Variants in COL23A1 observed in about 807,000 individuals in gnomAD.
The protein encoded by COL23A1 is collagen alpha-1(XXIII) chain.
Under a neutral mutation model 99.3 loss-of-function variants are expected in COL23A1, and 97 were observed. The observed-to-expected ratio is 0.98, with a 90% CI of 0.83 to 1.16. The LOEUF (loss-of-function observed/expected upper bound fraction) is 1.16, where lower values mean the gene tolerates loss of function less well. COL23A1 is among the 50% of genes most tolerant of loss of function. The probability of loss-of-function intolerance (pLI) is 0.00; values close to 1 mark genes in which losing one functional copy is unlikely to be tolerated. For synonymous variants in COL23A1, 320 were observed against 308.2 expected (o/e 1.04, Z -0.40); for missense variants, 762 against 757.4 (o/e 1.01, Z -0.07).
At chr5:178,451,924 T>C (rs890031282) in intron 2 of COL23A1, among the ~76,000 whole-genome samples, 2 of 152,114 alleles carry the variant, frequency 1.3e-5, no homozygotes, top group Admixed American at 6.5e-5. Flanking sequence ...GGAAACATCA[T>C]AGAAATAATA....
intron 27 of COL23A1, 59 bp downstream of exon 27, chr5:178,241,983 G>T: frequency 1.5e-6 from 2 of 1,330,964 alleles, no homozygotes; most frequent in South Asian, 1.3e-5. Flanking sequence ...GGAAGATGTT[G>T]GGCTGACCCT....
Position 178,493,070 on chromosome 5 carries a change from C to A in COL23A1, c.361+67612G>T, listed in dbSNP as rs574993526. On this transcript the variant is annotated intron_variant, in intron 2 of 28. Transcript: ENST00000390654. ...TCTCTCACCCTTTAAATAGAAATTC[C>A]TTGAGCACAGGGACTCTGACTAGCT... Among the ~76,000 whole-genome samples the A allele has an allele frequency of 3.3e-5, 5 of 152,290 alleles. No homozygotes were observed. The South Asian group carries it at 1.0e-3, about 32-fold the overall frequency.
intron 2 of COL23A1, among the ~76,000 whole-genome samples, chr5:178,392,079 AG>A (rs943600570): frequency 2.6e-4 from 39 of 150,848 alleles, no homozygotes; most frequent in African/African-American, 9.0e-4. Flanking sequence ...GGGGGCTTTG[AG>A]GGGAAATGAT....
intron 2 of COL23A1, among the ~76,000 whole-genome samples, chr5:178,332,397 G>C (rs188087837): frequency 3.0e-4 from 45 of 152,328 alleles, no homozygotes; most frequent in Non-Finnish European, 5.7e-4. Flanking sequence ...GCAGCTGGGA[G>C]GCAGCTTCCA....
chr5:178,408,123 G>A (rs1764858005), intron 2 of COL23A1, among the ~76,000 whole-genome samples: 1 of 152,214 alleles, frequency 6.6e-6, no homozygotes, highest in Admixed American at 6.5e-5. Context: ...AGCAATTAAA[G>A]TGACAGTGGA....
At chr5:178,349,881 G>GT (rs1427368869) in intron 2 of COL23A1, among the ~76,000 whole-genome samples, 2 of 152,144 alleles carry the variant, frequency 1.3e-5, no homozygotes, top group Non-Finnish European at 1.5e-5. Flanking sequence ...GGGACCTCTG[G>GT]TACCTCCCTG....
At position 178,358,268 on chromosome 5, in the gene COL23A1, GTA is replaced by G. The variant is rs751328220; in HGVS notation, c.362-51351_362-51350del. ...TGTATGTGTGTGTATGTATATGTGTGTATATGTGTGTATGCGTGTGCGTATAT... is the reference window on the plus strand; with the variant it reads ...TGTATGTGTGTGTATGTATATGTGTGTATGTGTGTATGCGTGTGCGTATAT... On this transcript the variant is annotated intron_variant, in intron 2 of 28. Transcript: ENST00000390654. 2.4e-3 allele frequency among the ~76,000 whole-genome samples: 349 copies of G among 144,674 alleles called. 8 individuals carry two copies. The East Asian group carries it at 0.051, about 21-fold the overall frequency. 94.9% of individuals were successfully genotyped at this position (144,674 alleles called of 152,430 possible). A position where few individuals can be genotyped will look rare whatever the true frequency, so the allele number is the denominator to read the frequency against.
At chr5:178,436,305 A>C (rs918297082) in intron 2 of COL23A1, among the ~76,000 whole-genome samples, 1 of 152,114 alleles carries the variant, frequency 6.6e-6, no homozygotes, top group Non-Finnish European at 1.5e-5. Flanking sequence ...CAGAGGCAGA[A>C]AGACCAGAGA....
intron 2 of COL23A1, among the ~76,000 whole-genome samples, chr5:178,404,588 T>C (rs1764651890): frequency 1.4e-5 from 1 of 70,110 alleles, no homozygotes; most frequent in South Asian, 6.7e-4. Flanking sequence ...GCCCCTCCAT[T>C]GGTCCCTGGG....
chr5:178,292,831 A>G (rs1472875472), intron 3 of COL23A1, among the ~76,000 whole-genome samples: 1 of 152,198 alleles, frequency 6.6e-6, no homozygotes. Context: ...AGGGGTCAGA[A>G]GCTTGGCACA....
intron 2 of COL23A1, among the ~76,000 whole-genome samples, chr5:178,321,160 A>AT (rs1278051530): frequency 6.6e-6 from 1 of 152,234 alleles, no homozygotes; most frequent in African/African-American, 2.4e-5. Flanking sequence ...GAAAGGTCCC[A>AT]TCTTAACCAT....
chr5:178,444,612 T>C (rs945028292), intron 2 of COL23A1, among the ~76,000 whole-genome samples: 18 of 152,034 alleles, frequency 1.2e-4, no homozygotes, highest in Middle Eastern at 3.4e-3. Flanking sequence ...CTGGCCAAGA[T>C]GGTGAAAAGC....
intron 26 of COL23A1, 37 bp from the exon 27 acceptor site, chr5:178,242,165 T>C (rs752135842): frequency 1.3e-6 from 2 of 1,533,482 alleles, no homozygotes; most frequent in Non-Finnish European, 1.8e-6. Context: ...TGGTCATGGC[T>C]GCCAGGCTTA....
At chr5:178,312,326 C>T (rs1458999041) in intron 2 of COL23A1, among the ~76,000 whole-genome samples, 1 of 152,164 alleles carries the variant, frequency 6.6e-6, no homozygotes, top group East Asian at 1.9e-4. Flanking sequence ...GGCTCCAGCT[C>T]GTTGCCCAAT....
Position 178,308,758 on chromosome 5 carries a change from C to T in COL23A1, c.362-1839G>A, listed in dbSNP as rs1186084358. ...TGATGGTGCCTGGGAACCTCCAGAG[C>T]CAGTCACACCGGATGACTGGCCCTG... On this transcript the variant is annotated intron_variant, in intron 2 of 28. Transcript: ENST00000390654. The surrounding 1 kb of genome is among the most constrained non-coding windows in gnomAD (Gnocchi z 5.1). Among the ~76,000 whole-genome samples the T allele has an allele frequency of 6.6e-6, 1 of 152,110 alleles. No individual in the cohort carries two copies. Among genetic ancestry groups the T allele is most frequent in the Middle Eastern group, 3.2e-3 (1 of 316 alleles).
At chr5:178,519,002 C>A (rs1337115204) in intron 2 of COL23A1, among the ~76,000 whole-genome samples, 1 of 149,990 alleles carries the variant, frequency 6.7e-6, no homozygotes, top group African/African-American at 2.4e-5. Context: ...GCGTCAGCGC[C>A]GCGACTGTCC....
chr5:178,327,342 C>T (rs530639921), intron 2 of COL23A1, among the ~76,000 whole-genome samples: 8 of 152,258 alleles, frequency 5.3e-5, no homozygotes, highest in African/African-American at 9.6e-5. Flanking sequence ...TGTCGGGAAA[C>T]GGGCGCTGAT....
intron 11 of COL23A1, among the ~76,000 whole-genome samples, chr5:178,260,957 G>C (rs1581473719): frequency 6.6e-6 from 1 of 152,074 alleles, no homozygotes; most frequent in East Asian, 1.9e-4. Flanking sequence ...ACCACAGCAA[G>C]AGTGAACCCT....
chr5:178,245,822 T>A (rs1764662440), intron 25 of COL23A1, 120 bp downstream of exon 25: 3 of 1,161,102 alleles, frequency 2.6e-6, no homozygotes, highest in African/African-American at 1.5e-5. Context: ...AACCAGTCAG[T>A]TGCAGTCCCA....
Sources: allele counts gnomAD v4.1 joint callset (sites outside exome capture counted in the v4.1 genomes callset), GRCh38; gene constraint gnomAD v4.1.1; non-coding constraint Gnocchi (gnomAD v3.1); transcripts MANE v1.5; gene names NCBI Gene and HGNC (gene_info 2026-07-23, HGNC 2026-07-21).